The following APBA1 variants were observed in gnomAD, a reference collection of about 807,000 sequenced individuals.
APBA1 encodes amyloid beta precursor protein binding family A member 1.
A neutral mutation model predicts 86.6 loss-of-function variants in APBA1; 55 were observed. The observed-to-expected ratio is 0.64, with a 90% CI of 0.51 to 0.80. The LOEUF is 0.80. Ranked by LOEUF, APBA1 falls within the 30% of genes least tolerant of loss-of-function variation. The pLI is 0.00. For synonymous variants in APBA1, 511 were observed against 493.9 expected, an observed-to-expected ratio of 1.03 and a Z score of -0.46; for missense variants, 1,090 against 1,183.0, an observed-to-expected ratio of 0.92 and a Z score of 1.15.
chr9:69,520,438 G>A (rs1001784486), intron 1 of APBA1, among the ~76,000 whole-genome samples: 3 of 152,102 alleles, frequency 2.0e-5, no homozygotes, highest in African/African-American at 7.2e-5. Flanking sequence ...GAAAAAACTT[G>A]AATGTGGACA....
Position 69,514,150 on chromosome 9 carries a change from C to A in APBA1, c.1200+1861G>T, listed in dbSNP as rs115006459. ...CAAAAATGGAAAATGTCAATAGTGG[C>A]ATCAGTTACTTTGTGTAGCTCTTCA... On this transcript the variant is annotated intron_variant, in intron 2 of 12. Transcript: ENST00000265381. Among the ~76,000 whole-genome samples, 1,191 of 152,318 alleles carry A rather than the reference C, an allele frequency of 7.8e-3. 20 individuals are homozygous for A. The highest frequency in any genetic ancestry group is 0.028 in the African/African-American group (1,144 of 41,564).
At chr9:69,498,245 T>C (rs1273103860) in intron 2 of APBA1, among the ~76,000 whole-genome samples, 1 of 152,054 alleles carries the variant, frequency 6.6e-6, no homozygotes, top group African/African-American at 2.4e-5. Context: ...AGACAGCCCA[T>C]GTAGCAGAGA....
At chr9:69,669,125 T>A (rs1823896542) in intron 1 of APBA1, among the ~76,000 whole-genome samples, 1 of 152,222 alleles carries the variant, frequency 6.6e-6, no homozygotes, top group Non-Finnish European at 1.5e-5. Context: ...GTACAGTGGA[T>A]CTGAGATGCG....
chr9:69,559,225 TA>T (rs1337654797), intron 1 of APBA1, among the ~76,000 whole-genome samples: 1 of 152,174 alleles, frequency 6.6e-6, no homozygotes, highest in Non-Finnish European at 1.5e-5. Context: ...TCTCCATCTT[TA>T]AAAAATATAT....
At chr9:69,473,211 G>A (rs1372669345) in intron 3 of APBA1, among the ~76,000 whole-genome samples, 2 of 152,144 alleles carry the variant, frequency 1.3e-5, no homozygotes, top group Admixed American at 6.5e-5. Context: ...AGTGCTTTAC[G>A]TTAATTTTAT....
At chr9:69,571,808 C>G (rs1005065050) in intron 1 of APBA1, among the ~76,000 whole-genome samples, 1 of 152,148 alleles carries the variant, frequency 6.6e-6, no homozygotes, top group African/African-American at 2.4e-5. Context: ...CCATTTTGGG[C>G]TATTATAACT....
At chr9:69,553,672 A>C (rs1173596789) in intron 1 of APBA1, among the ~76,000 whole-genome samples, 1 of 152,144 alleles carries the variant, frequency 6.6e-6, no homozygotes, top group Non-Finnish European at 1.5e-5. Context: ...ACAGATTTCC[A>C]TGGGGGTTAA....
At chr9:69,565,203 A>G (rs1837006204) in intron 1 of APBA1, among the ~76,000 whole-genome samples, 1 of 151,972 alleles carries the variant, frequency 6.6e-6, no homozygotes. Flanking sequence ...AGAGTCCTGC[A>G]CTCATTTGTT....
At chr9:69,580,262 TTGTCCATGAGCAG>T (rs1009457205) in intron 1 of APBA1, among the ~76,000 whole-genome samples, 9 of 152,310 alleles carry the variant, frequency 5.9e-5, no homozygotes, top group Non-Finnish European at 1.3e-4. Flanking sequence ...GTGAGTGCTG[TTGTCCATGAGCAG>T]TGTCTGCCAA....
In APBA1 at chr9:69,607,693, T is replaced by C. The variant is rs375953242; in HGVS notation, c.-70+64460A>G. On this transcript the variant is annotated intron_variant, in intron 1 of 12. Coordinates refer to ENST00000265381, the MANE Select transcript of APBA1 (RefSeq NM_001163.4). Reference sequence around the variant, plus strand: ...ACTTTTGACTTACTAAAGTAAAATATTAATGGGCAAAAACCAGTCCGTTTG... The same window carrying C: ...ACTTTTGACTTACTAAAGTAAAATACTAATGGGCAAAAACCAGTCCGTTTG... Among the ~76,000 whole-genome samples the C allele has an allele frequency of 2.1e-3, 317 of 152,336 alleles. 2 individuals are homozygous for C. The highest frequency in any genetic ancestry group is 6.8e-3 in the African/African-American group (281 of 41,582).
chr9:69,518,006 G>A (rs1011229458), intron 1 of APBA1, among the ~76,000 whole-genome samples: 3 of 152,162 alleles, frequency 2.0e-5, no homozygotes, highest in African/African-American at 7.2e-5. Context: ...TAACTTGTTT[G>A]ACCAGGAGAC....
chr9:69,471,615 A>G (rs768172779), intron 4 of APBA1, 41 bp downstream of exon 4: 1 of 1,569,822 alleles, frequency 6.4e-7, no homozygotes, highest in Non-Finnish European at 8.8e-7. Flanking sequence ...TAAAAGATTC[A>G]TGAATGACTC....
chr9:69,634,572 C>T (rs1286874945), intron 1 of APBA1, among the ~76,000 whole-genome samples: 1 of 152,068 alleles, frequency 6.6e-6, no homozygotes, highest in Admixed American at 6.6e-5. Flanking sequence ...GGGATAATAA[C>T]AGAGAACTTC....
chr9:69,442,154 C>T (rs1834834772), intron 10 of APBA1, among the ~76,000 whole-genome samples: 1 of 152,180 alleles, frequency 6.6e-6, no homozygotes, highest in Non-Finnish European at 1.5e-5. Context: ...TCCAGTCTCC[C>T]CAGGGTGCCT....
intron 1 of APBA1, among the ~76,000 whole-genome samples, chr9:69,578,864 T>C (rs1475119008): frequency 2.0e-5 from 3 of 152,214 alleles, no homozygotes; most frequent in Non-Finnish European, 4.4e-5. Context: ...GACTCTGCCT[T>C]TGTGGACACC....
chr9:69,482,677 T>C (rs1564050061), intron 2 of APBA1, among the ~76,000 whole-genome samples: 1 of 151,804 alleles, frequency 6.6e-6, no homozygotes, highest in Non-Finnish European at 1.5e-5. Flanking sequence ...TGCACACGTA[T>C]GTTTATTGCG....
intron 1 of APBA1, among the ~76,000 whole-genome samples, chr9:69,670,182 TAGAC>T (rs1241443397): frequency 6.6e-6 from 1 of 152,166 alleles, no homozygotes; most frequent in Non-Finnish European, 1.5e-5. Context: ...TTACTTTACA[TAGAC>T]AGCTTCAAGA....
chr9:69,636,954 A>G (rs1429631626), intron 1 of APBA1, among the ~76,000 whole-genome samples: 1 of 151,024 alleles, frequency 6.6e-6, no homozygotes, highest in Non-Finnish European at 1.5e-5. Flanking sequence ...AAAGAAAGAA[A>G]GAAAGAAAGA....
chr9:69,643,006 C>A (rs548148412), intron 1 of APBA1, among the ~76,000 whole-genome samples: 1 of 151,354 alleles, frequency 6.6e-6, no homozygotes, highest in South Asian at 2.1e-4. Context: ...TATACACACA[C>A]ACCCCCGCCA....
Sources: allele counts gnomAD v4.1 joint callset (sites outside exome capture counted in the v4.1 genomes callset), GRCh38; gene constraint gnomAD v4.1.1; transcripts MANE v1.5; gene names NCBI Gene and HGNC (gene_info 2026-07-23, HGNC 2026-07-21).